Variants in RFX3 observed in about 807,000 individuals in gnomAD.
The protein encoded by RFX3 is transcription factor RFX3.
In RFX3, 14 loss-of-function variants were observed where a neutral mutation model predicts 98.6. The ratio of observed to expected loss-of-function variants is 0.14; its 90% CI spans 0.09 to 0.22. The LOEUF (loss-of-function observed/expected upper bound fraction) is 0.22. RFX3 is among the 10% of genes least tolerant of loss of function. RFX3 has a pLI of 1.00. For missense variants in RFX3, 639 were observed against 926.9 expected, an observed-to-expected ratio of 0.69 and a Z score of 4.03; for synonymous variants, 383 against 328.4, an observed-to-expected ratio of 1.17 and a Z score of -1.80.
rs1204368869 is a variant in RFX3, at chr9:3,525,935, A to C, written c.-197T>G. 1 of 923,348 alleles carries C rather than the reference A, an allele frequency of 1.1e-6. No homozygotes were observed. The highest frequency in any genetic ancestry group is 1.3e-6 in the Non-Finnish European group (1 of 779,694). The allele number at this position is 923,348 out of a possible 1,614,324, so 57.2% of individuals were successfully genotyped here. A position where few individuals can be genotyped will look rare whatever the true frequency, so the allele number is the denominator to read the frequency against. ...TTGCTATAACTCACAAAAGAGAGAGAGAGAGGGAGAGAGAGAGAGAGCGAG... is the reference window on the plus strand; with the variant it reads ...TTGCTATAACTCACAAAAGAGAGAGCGAGAGGGAGAGAGAGAGAGAGCGAG... On this transcript the variant is annotated 5_prime_UTR_variant, in exon 1 of 17. Transcript: ENST00000617270.
At chr9:3,415,949 T>C (rs144961352) in intron 1 of RFX3, among the ~76,000 whole-genome samples, 2 of 152,322 alleles carry the variant, frequency 1.3e-5, no homozygotes, top group East Asian at 3.9e-4. Context: ...ACTCTGAACC[T>C]ATTTGGTTTA....
At chr9:3,483,639 G>T (rs1010037432) in intron 1 of RFX3, among the ~76,000 whole-genome samples, 6 of 152,104 alleles carry the variant, frequency 3.9e-5, no homozygotes, top group Non-Finnish European at 8.8e-5. Flanking sequence ...AATTCACATT[G>T]AAATCCAGAT....
chr9:3,219,901 G>C lies in RFX3; in HGVS notation c.*5141C>G, dbSNP rs150318983. Reference sequence around the variant, plus strand: ...TAGGTTACACTCTTATTTGCACCCAGCTAGGGCAGCGCAAGCACATCTGCA... The same window carrying C: ...TAGGTTACACTCTTATTTGCACCCACCTAGGGCAGCGCAAGCACATCTGCA... On this transcript the variant is annotated 3_prime_UTR_variant, in exon 17 of 17. Transcript: ENST00000617270. 55 of 152,312 alleles carry C rather than the reference G, an allele frequency of 3.6e-4. No homozygotes were observed. Among genetic ancestry groups the C allele is most frequent in the African/African-American group, 1.3e-3 (53 of 41,556 alleles). 9.4% of individuals were successfully genotyped at this position (152,312 alleles called of 1,614,324 possible).
At chr9:3,230,893 G>T (rs1586656415) in intron 15 of RFX3, among the ~76,000 whole-genome samples, 1 of 152,168 alleles carries the variant, frequency 6.6e-6, no homozygotes, top group African/African-American at 2.4e-5. Flanking sequence ...GGACATATTT[G>T]AAAATTATCT....
intron 1 of RFX3, among the ~76,000 whole-genome samples, chr9:3,400,513 T>C (rs1451994267): frequency 1.3e-5 from 2 of 152,212 alleles, no homozygotes; most frequent in African/African-American, 2.4e-5. Flanking sequence ...ATAGGTCTGA[T>C]CTACTTGGCT....
At chr9:3,406,260 C>G (rs569619583) in intron 1 of RFX3, among the ~76,000 whole-genome samples, 1 of 151,926 alleles carries the variant, frequency 6.6e-6, no homozygotes, top group Admixed American at 6.6e-5. Context: ...ACTGACTCGG[C>G]CAACCCTGGG....
intron 1 of RFX3, among the ~76,000 whole-genome samples, chr9:3,493,542 G>A (rs938489691): frequency 2.6e-5 from 4 of 151,200 alleles, no homozygotes; most frequent in Non-Finnish European, 5.9e-5. Flanking sequence ...AAATTTTCCG[G>A]GCGTGGTGGC....
intron 11 of RFX3, among the ~76,000 whole-genome samples, chr9:3,270,130 A>AGAAAGAAAGAAAGAAAG (rs1563833724): frequency 1.5e-3 from 159 of 107,234 alleles, no homozygotes; most frequent in Non-Finnish European, 2.6e-3. Context: ...AAGAAAGGAA[A>AGAAAGAAAGAAAGAAAG]GAAAGAAAGA....
At chr9:3,429,244 G>T (rs983653932) in intron 1 of RFX3, among the ~76,000 whole-genome samples, 1 of 150,674 alleles carries the variant, frequency 6.6e-6, no homozygotes, top group Non-Finnish European at 1.5e-5. Flanking sequence ...AGATGGTCTC[G>T]ATCTCCTGAC....
chr9:3,328,985 C>G (rs1563934401), intron 4 of RFX3, among the ~76,000 whole-genome samples: 1 of 152,138 alleles, frequency 6.6e-6, no homozygotes. Context: ...CTATGTGGTT[C>G]TAAATGACCA....
chr9:3,254,493 T>C (rs1407087190), intron 14 of RFX3, among the ~76,000 whole-genome samples: 2 of 152,048 alleles, frequency 1.3e-5, no homozygotes, highest in Non-Finnish European at 2.9e-5. Context: ...GGGAAAAAAC[T>C]TGATGAATAA....
chr9:3,239,924 C>A (rs1292604645), intron 15 of RFX3, among the ~76,000 whole-genome samples: 5 of 152,216 alleles, frequency 3.3e-5, no homozygotes, highest in African/African-American at 1.2e-4. Flanking sequence ...CCTGGCAGTT[C>A]TCTTCTCCAA....
chr9:3,230,301 G>C (rs1343159905), intron 15 of RFX3, among the ~76,000 whole-genome samples: 1 of 152,150 alleles, frequency 6.6e-6, no homozygotes, highest in Non-Finnish European at 1.5e-5. Context: ...GGGCCTCCTA[G>C]ACATGTAATT....
chr9:3,314,985 G>C (rs915432385), intron 4 of RFX3, among the ~76,000 whole-genome samples: 1 of 152,060 alleles, frequency 6.6e-6, no homozygotes, highest in African/African-American at 2.4e-5. Context: ...AGTTAACAAG[G>C]ATATCCAGGA....
intron 1 of RFX3, among the ~76,000 whole-genome samples, chr9:3,502,975 G>A (rs946131721): frequency 6.6e-6 from 1 of 152,160 alleles, no homozygotes; most frequent in African/African-American, 2.4e-5. Context: ...ATGCTTAGAT[G>A]TTTCCTAATC....
At chr9:3,378,680 C>T (rs958397567) in intron 2 of RFX3, among the ~76,000 whole-genome samples, 1 of 151,436 alleles carries the variant, frequency 6.6e-6, no homozygotes, top group Non-Finnish European at 1.5e-5. Context: ...CTTCACCTTC[C>T]CAAGTAGCTA....
chr9:3,353,114 G>T (rs934894218), intron 2 of RFX3, among the ~76,000 whole-genome samples: 1 of 149,798 alleles, frequency 6.7e-6, no homozygotes, highest in African/African-American at 2.5e-5. Context: ...ACCAAACACG[G>T]CATGTTCTCA....
At chr9:3,419,630 C>A (rs1025547240) in intron 1 of RFX3, among the ~76,000 whole-genome samples, 2 of 152,162 alleles carry the variant, frequency 1.3e-5, no homozygotes, top group Non-Finnish European at 2.9e-5. Flanking sequence ...CCTTTAACAA[C>A]CTGCAGTTCT....
rs112413710 is a variant in RFX3, at chr9:3,492,350, C to T, written c.-9+33397G>A. The stretch of plus-strand genomic sequence containing the variant: ...ATGTCAGATGTCCCTTCCAGCACAA[C>T]CGTGAGACTCAGGCGAGAGGGCCCA... On this transcript the variant is annotated intron_variant, in intron 1 of 16. Coordinates refer to ENST00000617270, the MANE Select transcript of RFX3 (RefSeq NM_001282116.2). Among the ~76,000 whole-genome samples, 1,108 of 152,346 alleles carry T rather than the reference C, an allele frequency of 7.3e-3. 16 individuals carry two copies. Among genetic ancestry groups the T allele is most frequent in the Middle Eastern group, 0.02 (6 of 294 alleles).
Sources: gnomAD v4.1 joint callset for allele counts (sites outside exome capture counted in the v4.1 genomes callset) on GRCh38, gnomAD v4.1.1 for gene constraint, MANE v1.5 for transcripts, NCBI Gene and HGNC (gene_info 2026-07-23, HGNC 2026-07-21) for gene names.